The following GHR variants were observed in gnomAD, a reference collection of about 807,000 sequenced individuals.
GHR encodes GH receptor.
In GHR, 35 loss-of-function variants were observed where a neutral mutation model predicts 67.1. The ratio of observed to expected loss-of-function variants is 0.52; its 90% CI spans 0.40 to 0.69. The LOEUF is 0.69. Ranked by LOEUF, GHR falls within the 30% of genes least tolerant of loss-of-function variation. GHR has a pLI of 0.00. For synonymous variants in GHR, 272 were observed against 269.1 expected (o/e 1.01, Z -0.10); for missense variants, 792 against 764.6 (o/e 1.04, Z -0.42).
chr5:42,554,538 G>A (rs1749206423), intron 1 of GHR, among the ~76,000 whole-genome samples: 2 of 152,132 alleles, frequency 1.3e-5, no homozygotes, highest in Non-Finnish European at 2.9e-5. Flanking sequence ...GCTTTGGCCT[G>A]CCTTGTGAGT....
chr5:42,711,550 G>A (rs1758460407), intron 7 of GHR, among the ~76,000 whole-genome samples, 178 bp downstream of exon 7: 1 of 152,122 alleles, frequency 6.6e-6, no homozygotes, highest in African/African-American at 2.4e-5. Context: ...AAAGCAGAAG[G>A]AAGATTTAGT....
chr5:42,689,041 G>T lies in GHR; in HGVS notation c.266+22G>T, dbSNP rs766023400. On this transcript the variant is annotated intron_variant, in intron 4 of 9. Coordinates refer to ENST00000230882, the MANE Select transcript of GHR (RefSeq NM_000163.5). ...GAAGGTGCCACCATCATGCCTTTCT[G>T]ATTTTCCTCTCCATGGATGTACCTA... 3 of 1,608,482 alleles carry T rather than the reference G, an allele frequency of 1.9e-6. No homozygotes were observed. In the African/African-American group the frequency reaches 4.0e-5, roughly 22 times the overall value.
intron 2 of GHR, among the ~76,000 whole-genome samples, chr5:42,584,465 CTAAA>C (rs1474176436): frequency 6.6e-6 from 1 of 152,140 alleles, no homozygotes; most frequent in African/African-American, 2.4e-5. Flanking sequence ...TTTGAAGAAA[CTAAA>C]TAGTTATCTA....
At chr5:42,679,507 C>T (rs1033634417) in intron 3 of GHR, among the ~76,000 whole-genome samples, 1 of 151,908 alleles carries the variant, frequency 6.6e-6, no homozygotes, top group Non-Finnish European at 1.5e-5. Flanking sequence ...CACCTGTAGT[C>T]CCAGCTATGC....
At chr5:42,508,661 C>T (rs2112257136) in intron 1 of GHR, among the ~76,000 whole-genome samples, 1 of 152,294 alleles carries the variant, frequency 6.6e-6, no homozygotes, top group South Asian at 2.1e-4. Flanking sequence ...GCAAGCTGCG[C>T]CTCCCGAGTT....
At chr5:42,712,946 T>C (rs894022034) in intron 7 of GHR, among the ~76,000 whole-genome samples, 2 of 151,834 alleles carry the variant, frequency 1.3e-5, no homozygotes, top group African/African-American at 4.8e-5. Flanking sequence ...AAGAAGTTTC[T>C]GTCATGATTT....
intron 3 of GHR, among the ~76,000 whole-genome samples, chr5:42,644,062 A>G (rs1265029728): frequency 6.6e-6 from 1 of 152,026 alleles, no homozygotes. Context: ...AAAAATCACT[A>G]CATTACAAAC....
chr5:42,439,601 A>T (rs1467859458), intron 1 of GHR, among the ~76,000 whole-genome samples: 1 of 152,248 alleles, frequency 6.6e-6, no homozygotes, highest in Non-Finnish European at 1.5e-5. Context: ...CTAAAGATGG[A>T]CACTGGAAGG....
At chr5:42,496,759 T>C (rs1262558693) in intron 1 of GHR, among the ~76,000 whole-genome samples, 1 of 152,134 alleles carries the variant, frequency 6.6e-6, no homozygotes, top group Non-Finnish European at 1.5e-5. Context: ...GGCATTTACT[T>C]TTCACACTCC....
At chr5:42,608,321 G>A (rs1752726542) in intron 2 of GHR, among the ~76,000 whole-genome samples, 2 of 152,200 alleles carry the variant, frequency 1.3e-5, no homozygotes, top group South Asian at 4.2e-4. Context: ...TTATGTCATG[G>A]ATTTATATTT....
chr5:42,565,996 C>A, intron 2 of GHR, 52 bp downstream of exon 2: 1 of 1,594,054 alleles, frequency 6.3e-7, no homozygotes, highest in South Asian at 1.1e-5. Context: ...CAACACTGAA[C>A]TGTATTCGCT....
intron 1 of GHR, among the ~76,000 whole-genome samples, chr5:42,494,210 T>G (rs1287174221): frequency 6.6e-6 from 1 of 152,160 alleles, no homozygotes; most frequent in African/African-American, 2.4e-5. Context: ...TTTTAGGCTT[T>G]CTTTCTAGTG....
At chr5:42,615,791 G>A (rs765374675) in intron 2 of GHR, among the ~76,000 whole-genome samples, 10 of 150,910 alleles carry the variant, frequency 6.6e-5, no homozygotes, top group Non-Finnish European at 1.5e-4. Flanking sequence ...AGAAAATTAT[G>A]TGACTATAAA....
rs557679021 is a variant in GHR, at chr5:42,535,060, C to G, written c.-11-30804C>G. ...TTTGTTATAGATTCCAGATATTAGT[C>G]CTTTTTCAGACGTATAGATTGTGAA... On this transcript the variant is annotated intron_variant, in intron 1 of 9. Transcript: ENST00000230882. 2.6e-5 allele frequency among the ~76,000 whole-genome samples: 4 copies of G among 151,998 alleles called. No individual in the cohort carries two copies. The East Asian group carries it at 5.8e-4, about 22-fold the overall frequency.
intron 2 of GHR, among the ~76,000 whole-genome samples, chr5:42,583,210 T>C (rs963386405): frequency 4.6e-5 from 7 of 152,254 alleles, no homozygotes; most frequent in Non-Finnish European, 8.8e-5. Flanking sequence ...CCTCCAAACA[T>C]GAGTCTGAAG....
chr5:42,652,291 TAC>T (rs1755050195), intron 3 of GHR, among the ~76,000 whole-genome samples: 1 of 45,082 alleles, frequency 2.2e-5, no homozygotes, highest in Non-Finnish European at 5.0e-5. Flanking sequence ...TTTTTAAAAT[TAC>T]ATTCATGTGG....
intron 1 of GHR, among the ~76,000 whole-genome samples, chr5:42,550,797 G>A (rs1748988272): frequency 6.6e-6 from 1 of 152,078 alleles, no homozygotes; most frequent in Non-Finnish European, 1.5e-5. Flanking sequence ...TGTTTATTTG[G>A]CATAGCAGCT....
chr5:42,423,767 C>A lies in GHR; in HGVS notation c.-200C>A. The A allele has an allele frequency of 6.1e-6, 1 of 162,638 alleles. No individual in the cohort carries two copies. 10.1% of individuals were successfully genotyped at this position (162,638 alleles called of 1,614,324 possible). On this transcript the variant is annotated 5_prime_UTR_variant, in exon 1 of 10. Coordinates refer to ENST00000230882, the MANE Select transcript of GHR (RefSeq NM_000163.5). Reference sequence around the variant, plus strand: ...CGCAGCCATGGGAAGAGGAGGAGGGCTAGGGAGCGGCGGCGGCGGCGGCAG... The same window carrying A: ...CGCAGCCATGGGAAGAGGAGGAGGGATAGGGAGCGGCGGCGGCGGCGGCAG...
At chr5:42,549,789 T>A in intron 1 of GHR, 2 of 355,708 alleles carry the variant, frequency 5.6e-6, no homozygotes, top group Non-Finnish European at 7.9e-6. Flanking sequence ...ATTGGCAGTT[T>A]AAGAAAATCA....
Sources: gnomAD v4.1 joint callset for allele counts (sites outside exome capture counted in the v4.1 genomes callset) on GRCh38, gnomAD v4.1.1 for gene constraint, MANE v1.5 for transcripts, NCBI Gene and HGNC (gene_info 2026-07-23, HGNC 2026-07-21) for gene names.